Variants in LOC128462377 observed in about 807,000 individuals in gnomAD.
chr16:89,414,642 G>C, the LOC128462377 span, among the ~76,000 whole-genome samples: 1 of 152,214 alleles, frequency 6.6e-6, no homozygotes, highest in East Asian at 1.9e-4. Flanking sequence ...CTGAGGCTCG[G>C]AGAGTGGAAG....
chr16:89,403,691 A>G, the LOC128462377 span: 1 of 152,208 alleles, frequency 6.6e-6, no homozygotes, highest in African/African-American at 2.4e-5. Context: ...GCTACTCAAG[A>G]GGCTGAGGCA....
chr16:89,413,283 T>C, the LOC128462377 span, among the ~76,000 whole-genome samples: 1 of 152,216 alleles, frequency 6.6e-6, no homozygotes. Flanking sequence ...TTGATAATAA[T>C]GGAAGTATGG....
At chr16:89,357,646 T>C in the LOC128462377 span, among the ~76,000 whole-genome samples, 1 of 152,148 alleles carries the variant, frequency 6.6e-6, no homozygotes, top group Non-Finnish European at 1.5e-5. Context: ...AGAAGCAGAA[T>C]GCGTCTGCAC....
the LOC128462377 span, among the ~76,000 whole-genome samples, chr16:89,359,722 G>A: frequency 2.0e-5 from 3 of 152,122 alleles, no homozygotes; most frequent in East Asian, 5.8e-4. Flanking sequence ...CATTTTCAAC[G>A]GTCTTCATAT....
the LOC128462377 span, among the ~76,000 whole-genome samples, chr16:89,341,469 T>TG: frequency 1.3e-5 from 2 of 152,180 alleles, no homozygotes; most frequent in Non-Finnish European, 2.9e-5. Context: ...AGAAGGCCTG[T>TG]GTGGGCTGCT....
the LOC128462377 span, among the ~76,000 whole-genome samples, chr16:89,388,315 T>TTTTTTTTA: frequency 6.9e-6 from 1 of 145,398 alleles, no homozygotes; most frequent in Admixed American, 6.8e-5. Context: ...TTTTTTTTTT[T>TTTTTTTTA]GAGACGGAGT....
At chr16:89,338,726 CAA>C in the LOC128462377 span, among the ~76,000 whole-genome samples, 3 of 43,810 alleles carry the variant, frequency 6.8e-5, no homozygotes, top group South Asian at 1.4e-3. Flanking sequence ...CACTCAGTCT[CAA>C]AAAAAAAAAA....
the LOC128462377 span, among the ~76,000 whole-genome samples, chr16:89,398,088 A>G: frequency 6.6e-6 from 1 of 151,442 alleles, no homozygotes; most frequent in Non-Finnish European, 1.5e-5. Context: ...ACAGCTGAAG[A>G]TTACCTGTAA....
chr16:89,387,766 G>A, the LOC128462377 span, among the ~76,000 whole-genome samples: 122 of 151,614 alleles, frequency 8.0e-4, no homozygotes, highest in African/African-American at 2.8e-3. Context: ...ACTTTGGGAG[G>A]CTGAGGCAGG....
the LOC128462377 span, among the ~76,000 whole-genome samples, chr16:89,380,524 G>C: frequency 6.6e-6 from 1 of 151,502 alleles, no homozygotes; most frequent in East Asian, 1.9e-4. Flanking sequence ...ACCTGCATAA[G>C]AAACGGGACA....
chr16:89,384,002 C>T, the LOC128462377 span, among the ~76,000 whole-genome samples: 1 of 152,138 alleles, frequency 6.6e-6, no homozygotes, highest in African/African-American at 2.4e-5. Flanking sequence ...GGCAGGTCAC[C>T]TGAGCTCAGC....
the LOC128462377 span, among the ~76,000 whole-genome samples, chr16:89,395,156 T>C: frequency 6.6e-6 from 1 of 152,300 alleles, no homozygotes; most frequent in African/African-American, 2.4e-5. Context: ...ACTCAAACGA[T>C]CCAAGAGACT....
the LOC128462377 span, among the ~76,000 whole-genome samples, chr16:89,326,549 C>T: frequency 6.6e-6 from 1 of 152,046 alleles, no homozygotes. Flanking sequence ...GTTTGAGACC[C>T]GGGCAATGTA....
chr16:89,330,977 G>A, the LOC128462377 span, among the ~76,000 whole-genome samples: 7 of 152,122 alleles, frequency 4.6e-5, no homozygotes, highest in South Asian at 6.2e-4. Flanking sequence ...TTCTTGAGAC[G>A]GAGTCTCACT....
chr16:89,390,230 C>A, the LOC128462377 span, among the ~76,000 whole-genome samples: 6 of 75,792 alleles, frequency 7.9e-5, no homozygotes, highest in South Asian at 4.9e-4. Flanking sequence ...CGGGGAGCAC[C>A]GAGAGAGAAG....
the LOC128462377 span, among the ~76,000 whole-genome samples, chr16:89,357,548 C>T: frequency 2.6e-5 from 4 of 152,252 alleles, no homozygotes; most frequent in African/African-American, 7.2e-5. Context: ...GAAAGCAGGG[C>T]CCCCAAAAGA....
chr16:89,326,234 G>C, the LOC128462377 span, among the ~76,000 whole-genome samples: 1 of 152,222 alleles, frequency 6.6e-6, no homozygotes, highest in Non-Finnish European at 1.5e-5. Flanking sequence ...TTCCTCCAAG[G>C]CTTGCGAGGG....
At chr16:89,354,802 G>A in the LOC128462377 span, among the ~76,000 whole-genome samples, 4 of 152,096 alleles carry the variant, frequency 2.6e-5, no homozygotes, top group East Asian at 3.9e-4. Flanking sequence ...AGGAGAAATC[G>A]CTTGAACCCA....
the LOC128462377 span, among the ~76,000 whole-genome samples, chr16:89,362,037 T>G: frequency 6.6e-6 from 1 of 152,208 alleles, no homozygotes; most frequent in African/African-American, 2.4e-5. Context: ...AGACTAACCC[T>G]CAAGTGCTCC....
Sources: gnomAD v4.1 joint callset for allele counts (sites outside exome capture counted in the v4.1 genomes callset) on GRCh38, gnomAD v4.1.1 for gene constraint, MANE v1.5 for transcripts.